ZNF331: variants seen among roughly 807,000 people sequenced by gnomAD.
The protein encoded by ZNF331 is C2H2-like zinc finger protein rearranged in thyroid adenomas.
A neutral mutation model predicts 7.0 loss-of-function variants in ZNF331; 2 were observed. That is an observed-to-expected ratio of 0.29 (90% CI 0.12 to 0.90). ZNF331 has a LOEUF of 0.90. ZNF331 is among the 40% of genes least tolerant of loss of function. ZNF331 has a pLI of 0.58. For missense variants in ZNF331, 432 were observed against 587.7 expected, an observed-to-expected ratio of 0.74 and a Z score of 2.74; for synonymous variants, 196 against 205.4, an observed-to-expected ratio of 0.95 and a Z score of 0.39.
chr19:53,557,937 G>A (rs951937018), intron 3 of ZNF331, among the ~76,000 whole-genome samples: 8 of 152,186 alleles, frequency 5.3e-5, no homozygotes, highest in Non-Finnish European at 1.0e-4. Flanking sequence ...CCACACTCCA[G>A]CCTAGGTGAC....
chr19:53,512,510 G>T, the ZNF331 span: 1 of 152,244 alleles, frequency 6.6e-6, no homozygotes, highest in East Asian at 1.9e-4. Flanking sequence ...ACCCAGTGAG[G>T]GCCCGCGGGG....
intron 4 of ZNF331, among the ~76,000 whole-genome samples, chr19:53,570,077 A>G (rs1215118421): frequency 1.3e-5 from 2 of 152,070 alleles, no homozygotes; most frequent in African/African-American, 4.8e-5. Flanking sequence ...CCAACATGGT[A>G]AAACCTCATC....
intron 2 of ZNF331, among the ~76,000 whole-genome samples, chr19:53,541,499 G>A (rs982963671): frequency 2.0e-5 from 3 of 152,044 alleles, no homozygotes; most frequent in Non-Finnish European, 4.4e-5. Context: ...GAGTGCAGTG[G>A]GTTGATAATA....
chr19:53,532,936 C>G (rs1490483654), intron 2 of ZNF331, among the ~76,000 whole-genome samples: 1 of 151,768 alleles, frequency 6.6e-6, no homozygotes, highest in Non-Finnish European at 1.5e-5. Context: ...CATGGTTTTT[C>G]AATGTTGTTT....
chr19:53,533,405 A>C (rs757383785), upstream of ZNF331, among the ~76,000 whole-genome samples: 3 of 152,134 alleles, frequency 2.0e-5, no homozygotes, highest in Non-Finnish European at 4.4e-5. Flanking sequence ...TATTTGGCCT[A>C]ATATGTTATC....
intron 5 of ZNF331, among the ~76,000 whole-genome samples, chr19:53,572,253 C>G (rs2090479085): frequency 1.3e-5 from 2 of 152,130 alleles, no homozygotes; most frequent in South Asian, 4.1e-4. Flanking sequence ...AATCCCCGAA[C>G]TGTGAGTTAA....
chr19:53,533,543 T>C (rs1481744524), upstream of ZNF331, among the ~76,000 whole-genome samples: 1 of 152,224 alleles, frequency 6.6e-6, no homozygotes, highest in Non-Finnish European at 1.5e-5. Context: ...TGTTTCCTTA[T>C]TGATTTTCTG....
At chr19:53,525,595 CACA>C (rs1876994766) in intron 2 of ZNF331, among the ~76,000 whole-genome samples, 2 of 152,148 alleles carry the variant, frequency 1.3e-5, no homozygotes, top group Admixed American at 1.3e-4. Flanking sequence ...GTGACTTTTG[CACA>C]TTGATTTTGT....
At chr19:53,561,669 A>G (rs947173144) in intron 3 of ZNF331, among the ~76,000 whole-genome samples, 4 of 152,180 alleles carry the variant, frequency 2.6e-5, no homozygotes, top group African/African-American at 9.7e-5. Flanking sequence ...CCTGAGCAAC[A>G]TAGTGAGACC....
intron 2 of ZNF331, among the ~76,000 whole-genome samples, chr19:53,548,448 G>A (rs1477952045): frequency 6.6e-6 from 1 of 151,932 alleles, no homozygotes; most frequent in Non-Finnish European, 1.5e-5. Context: ...GTAGATATGG[G>A]GTCTCACCAT....
chr19:53,516,042 C>T (rs1029424235), upstream of ZNF331, among the ~76,000 whole-genome samples: 12 of 152,160 alleles, frequency 7.9e-5, no homozygotes, highest in African/African-American at 2.9e-4. Flanking sequence ...AAGGAAGACA[C>T]AGAAAGAGAA....
upstream of ZNF331, among the ~76,000 whole-genome samples, chr19:53,515,290 T>A (rs1323386230): frequency 6.6e-6 from 1 of 152,198 alleles, no homozygotes; most frequent in Non-Finnish European, 1.5e-5. Context: ...CCAAGTCTCC[T>A]CTGCAAAATG....
At chr19:53,541,885 T>C (rs1286036340) in intron 2 of ZNF331, among the ~76,000 whole-genome samples, 4 of 152,102 alleles carry the variant, frequency 2.6e-5, no homozygotes, top group African/African-American at 9.6e-5. Context: ...TGGTGATGCA[T>C]ACCTATAGTT....
the ZNF331 span, among the ~76,000 whole-genome samples, chr19:53,507,395 C>G: frequency 6.6e-6 from 1 of 152,120 alleles, no homozygotes; most frequent in Non-Finnish European, 1.5e-5. Flanking sequence ...TCTACAAAAC[C>G]CCCCGAAAGC....
At position 53,539,225 on chromosome 19, in the gene ZNF331, C is replaced by G. The variant is rs1359133428; in HGVS notation, c.-195C>G. The G allele has an allele frequency of 6.6e-6, 1 of 152,178 alleles. No homozygotes were observed. The highest frequency in any genetic ancestry group is 1.5e-5 in the Non-Finnish European group (1 of 68,034). 9.4% of individuals were successfully genotyped at this position (152,178 alleles called of 1,614,324 possible). A position where few individuals can be genotyped will look rare whatever the true frequency, so the allele number is the denominator to read the frequency against. ...GTTCTGTTTTCCCCAGGCCAGCATC[C>G]TTCAGAAAAAGCATCCCCGAGGAGG... On this transcript the variant is annotated 5_prime_UTR_variant, in exon 2 of 6. Coordinates refer to ENST00000449416, the MANE Select transcript of ZNF331 (RefSeq NM_001079906.2). The surrounding 1 kb of genome is among the most constrained non-coding windows in gnomAD (Gnocchi z 6.1).
At chr19:53,554,004 GC>G (rs546759717) in intron 2 of ZNF331, among the ~76,000 whole-genome samples, 1 of 152,206 alleles carries the variant, frequency 6.6e-6, no homozygotes. Context: ...TTTCCCAGAG[GC>G]CCCCCAGGAA....
chr19:53,546,347 C>A (rs2088614484), intron 2 of ZNF331, among the ~76,000 whole-genome samples: 1 of 151,802 alleles, frequency 6.6e-6, no homozygotes, highest in Admixed American at 6.6e-5. Flanking sequence ...CCCCAAATAT[C>A]CTCCCTAATA....
At chr19:53,506,851 G>A in the ZNF331 span, among the ~76,000 whole-genome samples, 361 of 152,250 alleles carry the variant, frequency 2.4e-3, no homozygotes, top group African/African-American at 8.5e-3. Flanking sequence ...AGGTAGGGAC[G>A]TGTGAGACTA....
At chr19:53,545,414 G>C (rs189689725) in intron 2 of ZNF331, among the ~76,000 whole-genome samples, 1 of 152,220 alleles carries the variant, frequency 6.6e-6, no homozygotes, top group Non-Finnish European at 1.5e-5. Flanking sequence ...ACAGCAGCTC[G>C]GGCAGCCTGT....
Sources: gnomAD v4.1 joint callset for allele counts (sites outside exome capture counted in the v4.1 genomes callset) on GRCh38, gnomAD v4.1.1 for gene constraint, Gnocchi (gnomAD v3.1) non-coding constraint, MANE v1.5 for transcripts, NCBI Gene and HGNC (gene_info 2026-07-23, HGNC 2026-07-21) for gene names.